USP48: variants seen among roughly 807,000 people sequenced by gnomAD.
The protein encoded by USP48 is ubiquitin carboxyl-terminal hydrolase 48.
USP48 carries 43 observed loss-of-function variants against 150.7 expected under a neutral mutation model. The ratio of observed to expected loss-of-function variants is 0.29; its 90% CI spans 0.22 to 0.37. The LOEUF (loss-of-function observed/expected upper bound fraction) is 0.37. USP48 is among the 10% of genes least tolerant of loss of function. The pLI, the probability that USP48 is intolerant of heterozygous loss-of-function variation, is 1.00. For missense variants in USP48, 813 were observed against 1,249.6 expected (o/e 0.65, Z 5.27); for synonymous variants, 396 against 425.9 (o/e 0.93, Z 0.86).
intron 1 of USP48, chr1:21,768,396 T>C (rs2097868495): frequency 1.3e-5 from 2 of 153,124 alleles, no homozygotes; most frequent in Admixed American, 1.3e-4. Context: ...CTCAGTTTCA[T>C]GAATACAGAA....
intron 22 of USP48, among the ~76,000 whole-genome samples, chr1:21,701,116 C>T (rs1358037586): frequency 6.7e-6 from 1 of 148,900 alleles, no homozygotes; most frequent in African/African-American, 2.5e-5. Flanking sequence ...CCTGTAATCT[C>T]AGCACTTTGG....
In USP48 at chr1:21,680,846, A is replaced by G; in HGVS notation, c.3059-12T>C. 2 of 1,584,832 alleles carry G rather than the reference A, an allele frequency of 1.3e-6. No homozygotes were observed. Among genetic ancestry groups the G allele is most frequent in the Non-Finnish European group, 1.7e-6 (2 of 1,168,406 alleles). The stretch of plus-strand genomic sequence containing the variant: ...TTCTGGCATACAAACTGAAAAAAAG[A>G]AAAAAAGAAGAATTCCAAATTGAAA... On this transcript the variant is annotated splice_polypyrimidine_tract_variant and intron_variant, in intron 25 of 26. Coordinates refer to ENST00000308271, the MANE Select transcript of USP48 (RefSeq NM_032236.8).
chr1:21,756,510 C>T (rs2097835707), intron 3 of USP48, 36 bp downstream of exon 3: 6 of 1,494,366 alleles, frequency 4.0e-6, no homozygotes, highest in Non-Finnish European at 5.4e-6. Flanking sequence ...AAAAAATGTT[C>T]AGGAAGAGAG....
intron 9 of USP48, among the ~76,000 whole-genome samples, chr1:21,735,648 G>A (rs558817998): frequency 6.6e-6 from 1 of 152,318 alleles, no homozygotes; most frequent in Non-Finnish European, 1.5e-5. Context: ...CAGCACCTTG[G>A]GGGGCCAAGG....
Position 21,756,030 on chromosome 1 carries a change from T to G in USP48, c.412+516A>C, listed in dbSNP as rs185408644. 4.6e-3 allele frequency among the ~76,000 whole-genome samples: 696 copies of G among 151,938 alleles called. 5 individuals are homozygous for G. Among genetic ancestry groups the G allele is most frequent in the African/African-American group, 0.014 (589 of 41,432 alleles). On this transcript the variant is annotated intron_variant, in intron 3 of 26. Transcript: ENST00000308271. ...AAAATACAAAATTAGCCGGGCGTGG[T>G]GGTGCACGCCTGTAATCCCAGCTAC... is the stretch of plus-strand genomic sequence containing the variant.
intron 2 of USP48, 104 bp from the exon 3 acceptor site, chr1:21,756,806 C>A: frequency 6.6e-7 from 1 of 1,507,790 alleles, no homozygotes. Flanking sequence ...GTAAGACCGT[C>A]ACAACCAACA....
At chr1:21,764,903 T>C (rs1572023226) in intron 1 of USP48, among the ~76,000 whole-genome samples, 1 of 152,106 alleles carries the variant, frequency 6.6e-6, no homozygotes, top group African/African-American at 2.4e-5. Context: ...CCATCAGTCA[T>C]TTCATTAGCA....
chr1:21,715,292 G>A (rs1003731032), intron 15 of USP48, 97 bp downstream of exon 15: 3 of 898,564 alleles, frequency 3.3e-6, no homozygotes, highest in African/African-American at 3.5e-5. Context: ...TTTTTCCCAG[G>A]TAAGATGTGA....
rs370734686 is a variant in USP48 at position 21,753,137 on chromosome 1, T to G, written c.413-18A>C. ...CTCATAATCTATTAAAACAAAAATA[T>G]AGATTTGGGGTTTTTTAAGGTGCTA... On this transcript the variant is annotated intron_variant, in intron 3 of 26. Coordinates refer to ENST00000308271, the MANE Select transcript of USP48 (RefSeq NM_032236.8). 2 of 1,588,324 alleles carry G rather than the reference T, an allele frequency of 1.3e-6. No individual in the cohort carries two copies. The highest frequency in any genetic ancestry group is 1.9e-5 in the Admixed American group (1 of 52,196).
intron 9 of USP48, among the ~76,000 whole-genome samples, chr1:21,730,767 C>CT (rs202206884): frequency 0.087 from 12,467 of 143,262 alleles, 594 homozygotes; most frequent in Middle Eastern, 0.12. Context: ...TATTTTTATT[C>CT]TTTTTTTTTT....
intron 7 of USP48, 97 bp from the exon 8 acceptor site, chr1:21,747,246 G>T: frequency 1.4e-6 from 1 of 705,792 alleles, no homozygotes; most frequent in Non-Finnish European, 2.2e-6. Flanking sequence ...ACAGTAGCTA[G>T]CTTTCACTTC....
At chr1:21,685,105 T>C (rs1484868803) in intron 25 of USP48, among the ~76,000 whole-genome samples, 1 of 152,202 alleles carries the variant, frequency 6.6e-6, no homozygotes, top group Non-Finnish European at 1.5e-5. Flanking sequence ...AGGAATTGCA[T>C]TTAATCTGCA....
chr1:21,753,494 G>A (rs543701128), intron 3 of USP48, among the ~76,000 whole-genome samples: 17 of 150,336 alleles, frequency 1.1e-4, no homozygotes, highest in African/African-American at 3.7e-4. Context: ...GGAAGAGGCT[G>A]CAGTGAGGTG....
chr1:21,716,404 T>C (rs1298192609), intron 14 of USP48, among the ~76,000 whole-genome samples: 1 of 152,186 alleles, frequency 6.6e-6, no homozygotes, highest in Non-Finnish European at 1.5e-5. Flanking sequence ...GGAAAACTCA[T>C]GTCGCAGGCA....
intron 1 of USP48, among the ~76,000 whole-genome samples, chr1:21,776,592 C>CAAAAAAAAAAAAAAAAAAAAAAAA (rs59309344): frequency 1.7e-5 from 1 of 57,992 alleles, no homozygotes; most frequent in African/African-American, 6.8e-5. Flanking sequence ...TGTCTTGTCT[C>CAAAAAAAAAAAAAAAAAAAAAAAA]AAAAAAAAAA....
At chr1:21,740,768 G>T (rs957752727) in intron 8 of USP48, among the ~76,000 whole-genome samples, 1 of 152,128 alleles carries the variant, frequency 6.6e-6, no homozygotes, top group Non-Finnish European at 1.5e-5. Context: ...TATGTTTAAA[G>T]AAATAAATGA....
intron 23 of USP48, among the ~76,000 whole-genome samples, chr1:21,690,991 A>AT: frequency 6.6e-6 from 1 of 152,190 alleles, no homozygotes; most frequent in Admixed American, 6.5e-5. Flanking sequence ...TAGGGACCAT[A>AT]TGCCCCACCC....
chr1:21,713,609 T>C (rs190614849), intron 15 of USP48, among the ~76,000 whole-genome samples: 1 of 152,314 alleles, frequency 6.6e-6, no homozygotes, highest in Admixed American at 6.5e-5. Flanking sequence ...GCACCAAGCA[T>C]GACACAGTAT....
At chr1:21,753,143 TGG>T in intron 3 of USP48, 24 bp from the exon 4 acceptor site, 4 of 1,583,978 alleles carry the variant, frequency 2.5e-6, no homozygotes, top group Non-Finnish European at 3.4e-6. Context: ...AATATAGATT[TGG>T]GGTTTTTTAA....
Sources: gnomAD v4.1 joint callset for allele counts (sites outside exome capture counted in the v4.1 genomes callset) on GRCh38, gnomAD v4.1.1 for gene constraint, MANE v1.5 for transcripts, NCBI Gene and HGNC (gene_info 2026-07-23, HGNC 2026-07-21) for gene names.